The following LY6S variants were observed in gnomAD, a reference collection of about 807,000 sequenced individuals.
LY6S encodes lymphocyte antigen 6 family member S, also known as lymphocyte antigen 6S.
the LY6S span, among the ~76,000 whole-genome samples, chr8:143,070,461 TATAATATATATATA>T: frequency 4.5e-5 from 2 of 44,066 alleles, no homozygotes; most frequent in South Asian, 9.9e-4. Context: ...TATATATATA[TATAATATATATATA>T]AATATATATA....
At chr8:143,056,473 A>G in the LY6S span, among the ~76,000 whole-genome samples, 3 of 152,132 alleles carry the variant, frequency 2.0e-5, no homozygotes, top group South Asian at 6.2e-4. Flanking sequence ...AACTGAAAGT[A>G]TGCTTAACAA....
chr8:143,071,664 G>A, the LY6S span, among the ~76,000 whole-genome samples: 917 of 152,194 alleles, frequency 6.0e-3, 8 homozygotes, highest in African/African-American at 0.021. Context: ...CCTGGAAGCC[G>A]CTGCAATCCC....
At chr8:143,067,210 A>G in the LY6S span, among the ~76,000 whole-genome samples, 3 of 152,244 alleles carry the variant, frequency 2.0e-5, no homozygotes, top group Non-Finnish European at 4.4e-5. Flanking sequence ...GTCTACGTAG[A>G]AAAGGAAGAC....
chr8:143,070,208 C>T, the LY6S span, among the ~76,000 whole-genome samples: 16 of 151,158 alleles, frequency 1.1e-4, no homozygotes, highest in African/African-American at 3.9e-4. Flanking sequence ...TGGACTAGGG[C>T]CCACCCTAAT....
At chr8:143,070,490 T>TATA in the LY6S span, among the ~76,000 whole-genome samples, 31 of 86,674 alleles carry the variant, frequency 3.6e-4, 1 homozygote, top group Admixed American at 5.0e-4. Context: ...TATATATATA[T>TATA]TTTTTTTTTT....
the LY6S span, among the ~76,000 whole-genome samples, chr8:143,064,945 C>G: frequency 6.6e-6 from 1 of 152,178 alleles, no homozygotes; most frequent in Non-Finnish European, 1.5e-5. Flanking sequence ...CTCGTCTGCC[C>G]AGGTGAGATG....
the LY6S span, among the ~76,000 whole-genome samples, chr8:143,056,668 T>C: frequency 6.6e-6 from 1 of 152,202 alleles, no homozygotes; most frequent in Non-Finnish European, 1.5e-5. Context: ...TGCAAAAATT[T>C]CTGATTACAT....
At chr8:143,063,253 G>T in the LY6S span, among the ~76,000 whole-genome samples, 2 of 152,164 alleles carry the variant, frequency 1.3e-5, no homozygotes, top group South Asian at 2.1e-4. Flanking sequence ...CACTTCTGGG[G>T]GTCACTCTTA....
chr8:143,043,459 G>T, the LY6S span, among the ~76,000 whole-genome samples: 1 of 152,184 alleles, frequency 6.6e-6, no homozygotes. Context: ...AAGCCATCAG[G>T]ACCAAGGCCA....
chr8:143,066,182 C>CTTTTCTTTTA, the LY6S span: 1 of 318,014 alleles, frequency 3.1e-6, no homozygotes, highest in Non-Finnish European at 6.0e-6. Context: ...CTTTTCTTTT[C>CTTTTCTTTTA]TTTCAAGATG....
chr8:143,073,269 C>T, the LY6S span, among the ~76,000 whole-genome samples: 305 of 81,988 alleles, frequency 3.7e-3, 14 homozygotes, highest in East Asian at 0.013. Context: ...TCCTCGGGGT[C>T]CCTGTTCGAG....
At chr8:143,067,568 T>C in the LY6S span, among the ~76,000 whole-genome samples, 1 of 152,294 alleles carries the variant, frequency 6.6e-6, no homozygotes, top group Middle Eastern at 3.4e-3. Flanking sequence ...GAAAGAACAG[T>C]GGGCCCAGGA....
the LY6S span, among the ~76,000 whole-genome samples, chr8:143,045,643 C>T: frequency 6.6e-6 from 1 of 152,172 alleles, no homozygotes; most frequent in Non-Finnish European, 1.5e-5. The surrounding 1 kb of genome is among the most constrained non-coding windows in gnomAD (Gnocchi z 5.3). Context: ...AGGCCTGGTC[C>T]ACCCCTCCTC....
chr8:143,072,430 G>A, the LY6S span, among the ~76,000 whole-genome samples: 2 of 125,764 alleles, frequency 1.6e-5, no homozygotes, highest in African/African-American at 6.9e-5. Flanking sequence ...CCTGTTTGAG[G>A]AGACAGCCGT....
chr8:143,073,971 C>T, the LY6S span, among the ~76,000 whole-genome samples: 4 of 150,938 alleles, frequency 2.7e-5, no homozygotes, highest in East Asian at 2.0e-4. Flanking sequence ...AGACAGCCGT[C>T]GTCCCCGGGG....
the LY6S span, chr8:143,057,875 A>G: frequency 1.5e-6 from 1 of 659,426 alleles, no homozygotes; most frequent in Non-Finnish European, 2.8e-6. Flanking sequence ...CGGGTGCCAT[A>G]TGAGAGATTT....
the LY6S span, chr8:143,044,527 CATG>C: frequency 2.9e-6 from 1 of 345,922 alleles, no homozygotes; most frequent in Non-Finnish European, 5.7e-6. Context: ...TCCTGCCCGC[CATG>C]CCCACCCCAC....
At chr8:143,047,108 C>A in the LY6S span, among the ~76,000 whole-genome samples, 1 of 151,512 alleles carries the variant, frequency 6.6e-6, no homozygotes, top group Non-Finnish European at 1.5e-5. Flanking sequence ...GTAAAACTAA[C>A]GAAAGACCAC....
At chr8:143,074,898 C>A in the LY6S span, among the ~76,000 whole-genome samples, 18 of 152,216 alleles carry the variant, frequency 1.2e-4, no homozygotes, top group African/African-American at 4.3e-4. Context: ...GAGAAAGGGG[C>A]CCCCCAAGAC....
Sources: gnomAD v4.1 joint callset for allele counts (sites outside exome capture counted in the v4.1 genomes callset) on GRCh38, gnomAD v4.1.1 for gene constraint, Gnocchi (gnomAD v3.1) non-coding constraint, MANE v1.5 for transcripts, NCBI Gene and HGNC (gene_info 2026-07-23, HGNC 2026-07-21) for gene names.